ANKS1A: variants seen among roughly 807,000 people sequenced by gnomAD.
ANKS1A encodes the protein ankyrin repeat and SAM domain-containing protein 1A.
In ANKS1A, 55 loss-of-function variants were observed where a neutral mutation model predicts 120.3. The observed-to-expected ratio is 0.46, with a 90% CI of 0.37 to 0.57. The LOEUF (loss-of-function observed/expected upper bound fraction) is 0.57, where lower values mean the gene tolerates loss of function less well. Among genes scored for constraint, ANKS1A ranks in the 20% least tolerant of loss-of-function variants. The pLI, the probability that ANKS1A is intolerant of heterozygous loss-of-function variation, is 0.00. For missense variants in ANKS1A, 1,123 were observed against 1,480.3 expected, an observed-to-expected ratio of 0.76 and a Z score of 3.96; for synonymous variants, 590 against 604.7, an observed-to-expected ratio of 0.98 and a Z score of 0.36.
At chr6:34,928,964 C>T (rs1431501625) in intron 1 of ANKS1A, among the ~76,000 whole-genome samples, 2 of 152,166 alleles carry the variant, frequency 1.3e-5, no homozygotes, top group Non-Finnish European at 2.9e-5. Flanking sequence ...AGCTATGCAC[C>T]TTTGGGCAAG....
At chr6:34,904,088 G>A (rs1162042387) in intron 1 of ANKS1A, among the ~76,000 whole-genome samples, 1 of 152,118 alleles carries the variant, frequency 6.6e-6, no homozygotes, top group Non-Finnish European at 1.5e-5. Context: ...ATTGATTCTA[G>A]GACCCCTCGA....
At chr6:34,905,410 C>A (rs1250531999) in intron 1 of ANKS1A, among the ~76,000 whole-genome samples, 2 of 152,200 alleles carry the variant, frequency 1.3e-5, no homozygotes, top group Non-Finnish European at 2.9e-5. Flanking sequence ...AACTGAGTAG[C>A]TCAGAGGTAT....
rs748174136 is a variant in ANKS1A at position 35,083,522 on chromosome 6, C to T, written c.2994+19C>T. ...CAACAAGGTGTGCTGCTTACAGGGA[C>T]TCTTGGTGGGAGTGGGACCCACATC... On this transcript the variant is annotated intron_variant, in intron 20 of 23. Transcript: ENST00000360359. The T allele has an allele frequency of 1.6e-4, 260 of 1,612,302 alleles. No homozygotes were observed. Among genetic ancestry groups the T allele is most frequent in the Non-Finnish European group, 2.1e-4 (249 of 1,178,424 alleles).
rs1052291126 is a variant in ANKS1A at position 34,989,552 on chromosome 6, G to A, written c.1302+236G>A. On this transcript the variant is annotated intron_variant, in intron 9 of 23. Coordinates refer to ENST00000360359, the MANE Select transcript of ANKS1A (RefSeq NM_015245.3). ...TGCCATACCACACGGAAAGTAAAAT[G>A]TACATTTTTTCCTGGCTCCAATAAG... Among the ~76,000 whole-genome samples, 54 of 152,174 alleles carry A rather than the reference G, an allele frequency of 3.5e-4. 1 individual carries two copies. Among genetic ancestry groups the A allele is most frequent in the Non-Finnish European group, 1.3e-4 (9 of 68,022 alleles).
chr6:35,068,249 C>A (rs1776882358), intron 13 of ANKS1A, among the ~76,000 whole-genome samples: 1 of 152,142 alleles, frequency 6.6e-6, no homozygotes, highest in South Asian at 2.1e-4. Context: ...TCAAAAGAAT[C>A]TTTTAGTGTA....
At chr6:34,977,268 G>GT (rs1249818765) in intron 3 of ANKS1A, among the ~76,000 whole-genome samples, 7 of 152,194 alleles carry the variant, frequency 4.6e-5, no homozygotes, top group African/African-American at 1.7e-4. Context: ...GTGGTATTAT[G>GT]TATGTCCTTT....
intron 3 of ANKS1A, among the ~76,000 whole-genome samples, chr6:34,978,557 G>A (rs1581586136): frequency 6.6e-6 from 1 of 152,210 alleles, no homozygotes; most frequent in South Asian, 2.1e-4. Context: ...TGTAATCCCG[G>A]CACTTTGGGA....
At chr6:35,092,228 G>A (rs1338415961), downstream of ANKS1A, among the ~76,000 whole-genome samples, 1 of 152,184 alleles carries the variant, frequency 6.6e-6, no homozygotes, top group Non-Finnish European at 1.5e-5. Flanking sequence ...TCCTAGGCCT[G>A]TTTCAACCCC....
intron 1 of ANKS1A, among the ~76,000 whole-genome samples, chr6:34,938,973 GC>G (rs1338740170): frequency 6.6e-6 from 1 of 152,216 alleles, no homozygotes; most frequent in Non-Finnish European, 1.5e-5. Flanking sequence ...GGGCGACAGA[GC>G]GAGACTCCAT....
chr6:34,983,438 T>G lies in ANKS1A; in HGVS notation c.1012+13T>G. The G allele has an allele frequency of 1.2e-5, 19 of 1,597,888 alleles. No individual in the cohort carries two copies. Among genetic ancestry groups the G allele is most frequent in the African/African-American group, 1.3e-5 (1 of 74,244 alleles). ...CAGAAGTCTCAGGGTAAGGTAACTC[T>G]CCCCTATGAGTAAAGGGGTGCTCAG... On this transcript the variant is annotated intron_variant, in intron 7 of 23. Transcript: ENST00000360359.
At chr6:35,063,921 T>C (rs760303524) in intron 13 of ANKS1A, among the ~76,000 whole-genome samples, 3 of 152,206 alleles carry the variant, frequency 2.0e-5, no homozygotes, top group Non-Finnish European at 4.4e-5. Flanking sequence ...CTCGAACCTC[T>C]GGGTTCTGCT....
At chr6:34,938,066 C>T (rs557939191) in intron 1 of ANKS1A, among the ~76,000 whole-genome samples, 2 of 152,276 alleles carry the variant, frequency 1.3e-5, no homozygotes, top group Admixed American at 1.3e-4. Context: ...TCCTTCCTTC[C>T]ATCTAAGCTG....
intron 11 of ANKS1A, among the ~76,000 whole-genome samples, chr6:35,034,522 G>C (rs3800430): frequency 0.12 from 18,204 of 152,214 alleles, 1,726 homozygotes; most frequent in East Asian, 0.57. Flanking sequence ...GGGAAGTTCT[G>C]TCTGCATCTG....
intron 13 of ANKS1A, among the ~76,000 whole-genome samples, chr6:35,064,443 T>G (rs998494004): frequency 1.3e-5 from 2 of 152,234 alleles, no homozygotes; most frequent in African/African-American, 4.8e-5. Context: ...TGTGTGTTTC[T>G]GAGGTGGTGC....
intron 1 of ANKS1A, among the ~76,000 whole-genome samples, chr6:34,922,347 A>T (rs1451032370): frequency 1.3e-5 from 2 of 152,136 alleles, no homozygotes; most frequent in Non-Finnish European, 2.9e-5. Flanking sequence ...ATGAGTCAGG[A>T]TTCATTCTGG....
chr6:34,914,010 C>T (rs761013659), intron 1 of ANKS1A, among the ~76,000 whole-genome samples: 2 of 152,180 alleles, frequency 1.3e-5, no homozygotes, highest in Non-Finnish European at 2.9e-5. Context: ...CTCCGCCTCT[C>T]AGGCTCATGT....
intron 1 of ANKS1A, among the ~76,000 whole-genome samples, chr6:34,893,257 G>A (rs948720916): frequency 1.3e-5 from 2 of 152,162 alleles, no homozygotes; most frequent in African/African-American, 4.8e-5. Context: ...ATACGGTTTT[G>A]CTGTGTTGCA....
At chr6:34,911,658 G>A (rs778264506) in intron 1 of ANKS1A, among the ~76,000 whole-genome samples, 2 of 152,100 alleles carry the variant, frequency 1.3e-5, no homozygotes, top group Non-Finnish European at 2.9e-5. Flanking sequence ...CACCCTGAAC[G>A]GTCATTAAGA....
At chr6:35,092,451 G>A (rs926416244), downstream of ANKS1A, among the ~76,000 whole-genome samples, 6 of 152,176 alleles carry the variant, frequency 3.9e-5, no homozygotes, top group East Asian at 1.9e-4. Flanking sequence ...GCCTGCCAGC[G>A]AATGGCAGAG....
Sources: gnomAD v4.1 joint callset for allele counts (sites outside exome capture counted in the v4.1 genomes callset) on GRCh38, gnomAD v4.1.1 for gene constraint, MANE v1.5 for transcripts, NCBI Gene and HGNC (gene_info 2026-07-23, HGNC 2026-07-21) for gene names.